Variants in FARSB observed in about 807,000 individuals in gnomAD.
FARSB encodes the protein phenylalanine--tRNA ligase beta subunit.
FARSB carries 40 observed loss-of-function variants against 69.6 expected under a neutral mutation model. The observed-to-expected ratio is 0.57, with a 90% CI of 0.45 to 0.75. The LOEUF (loss-of-function observed/expected upper bound fraction) is 0.75, where lower values mean the gene tolerates loss of function less well. Among genes scored for constraint, FARSB ranks in the 30% least tolerant of loss-of-function variants. The pLI, the probability that FARSB is intolerant of heterozygous loss-of-function variation, is 0.00. For synonymous variants in FARSB, 235 were observed against 247.2 expected (o/e 0.95, Z 0.46); for missense variants, 632 against 722.9 (o/e 0.87, Z 1.44).
At position 222,642,971 on chromosome 2, in the gene FARSB, C is replaced by T; in HGVS notation, c.149G>A (p.Gly50Asp). Residue 50 changes from glycine (G) to aspartate (D), a missense_variant, in exon 3 of 17, where the codon GGT becomes GAT. By Grantham distance (94) the Gly-to-Asp change is moderately conservative. Transcript: ENST00000281828. ...SEKEIISKEQ[G>D]NVKAAGASDV... ...AGAGGCTCCTGCTGCCTTTACATTA[C>T]CTTGTTCTTTACTTATTATTTCCTT... The T allele has an allele frequency of 5.6e-6, 9 of 1,608,508 alleles. No homozygotes were observed. Among genetic ancestry groups the T allele is most frequent in the Non-Finnish European group, 7.7e-6 (9 of 1,176,192 alleles).
At chr2:222,616,439 C>T (rs1690996887) in intron 14 of FARSB, among the ~76,000 whole-genome samples, 2 of 148,532 alleles carry the variant, frequency 1.3e-5, no homozygotes, top group Admixed American at 6.8e-5. Flanking sequence ...CCCAGCTACT[C>T]GGGAGGCTGA....
intron 16 of FARSB, among the ~76,000 whole-genome samples, chr2:222,592,773 G>GTC (rs1452662263): frequency 6.6e-6 from 1 of 151,496 alleles, no homozygotes; most frequent in Non-Finnish European, 1.5e-5. Context: ...AAATACAGTA[G>GTC]TCTCCATTTA....
In FARSB at chr2:222,597,715, G is replaced by A. The variant is rs533405450; in HGVS notation, c.1618+2213C>T. Among the ~76,000 whole-genome samples the A allele has an allele frequency of 4.7e-4, 72 of 152,036 alleles. No individual in the cohort carries two copies. The South Asian group carries it at 0.014, about 29-fold the overall frequency. On this transcript the variant is annotated intron_variant, in intron 16 of 16. Transcript: ENST00000281828. ...GTTTCTTAAATCAGTCCTTTCCTTG[G>A]ATCCTATGAGCACGATCCAGGCCAA... is the stretch of plus-strand genomic sequence containing the variant.
intron 15 of FARSB, among the ~76,000 whole-genome samples, chr2:222,607,272 C>G (rs1236517386): frequency 1.3e-5 from 2 of 152,044 alleles, no homozygotes; most frequent in Non-Finnish European, 2.9e-5. Context: ...GATGTTTACA[C>G]CTATGGAATG....
chr2:222,589,754 C>T (rs868179871), intron 16 of FARSB, among the ~76,000 whole-genome samples: 1 of 152,104 alleles, frequency 6.6e-6, no homozygotes, highest in African/African-American at 2.4e-5. Context: ...CCAACAGACA[C>T]ATGAAAAAAA....
At chr2:222,643,428 A>G (rs1218317761) in intron 2 of FARSB, among the ~76,000 whole-genome samples, 1 of 152,252 alleles carries the variant, frequency 6.6e-6, no homozygotes, top group African/African-American at 2.4e-5. Flanking sequence ...AGAGCCAAAA[A>G]GCCTAAATAT....
rs1366362293 is a variant in FARSB, at chr2:222,570,735, C to T, written c.*1136G>A. ...ATGGCATTTCACCATGTTGGTCAGGCTGATCTCGAACTATTGGCCTCAAGT... is the reference window on the plus strand; with the variant it reads ...ATGGCATTTCACCATGTTGGTCAGGTTGATCTCGAACTATTGGCCTCAAGT... On this transcript the variant is annotated 3_prime_UTR_variant, in exon 17 of 17. Coordinates refer to ENST00000281828, the MANE Select transcript of FARSB (RefSeq NM_005687.5). 6.6e-6 allele frequency: 1 copy of T among 152,098 alleles called. No individual in the cohort carries two copies. Among genetic ancestry groups the T allele is most frequent in the Non-Finnish European group, 1.5e-5 (1 of 68,016 alleles). The allele number at this position is 152,098 out of a possible 1,614,324, so 9.4% of individuals were successfully genotyped here.
intron 13 of FARSB, among the ~76,000 whole-genome samples, chr2:222,623,206 T>A (rs1310540725): frequency 1.3e-5 from 2 of 152,196 alleles, no homozygotes; most frequent in African/African-American, 4.8e-5. Flanking sequence ...TTATGTCAGC[T>A]TTTCAACTCA....
At chr2:222,602,164 G>A (rs1429215162) in intron 15 of FARSB, among the ~76,000 whole-genome samples, 1 of 152,120 alleles carries the variant, frequency 6.6e-6, no homozygotes, top group Non-Finnish European at 1.5e-5. Flanking sequence ...CCATTTATAT[G>A]ACATTCTGGA....
intron 15 of FARSB, among the ~76,000 whole-genome samples, chr2:222,608,816 C>T (rs1690770769): frequency 1.3e-5 from 2 of 152,168 alleles, no homozygotes; most frequent in South Asian, 4.1e-4. Context: ...GAAGGCTTAG[C>T]CTGCTTCATG....
chr2:222,650,959 A>G (rs1692022139), intron 1 of FARSB, among the ~76,000 whole-genome samples: 1 of 152,258 alleles, frequency 6.6e-6, no homozygotes, highest in African/African-American at 2.4e-5. Flanking sequence ...AATTTGTTAC[A>G]TAGCAATAGA....
chr2:222,591,041 T>A (rs1300669494), intron 16 of FARSB, among the ~76,000 whole-genome samples: 1 of 151,866 alleles, frequency 6.6e-6, no homozygotes, highest in Non-Finnish European at 1.5e-5. Flanking sequence ...ACATATCTAC[T>A]TAAAAAATAA....
chr2:222,619,701 C>T lies in FARSB; in HGVS notation c.1288G>A (p.Asp430Asn), dbSNP rs1691093481. Residue 430 changes from aspartate to asparagine, a missense_variant, in exon 14 of 17, where the codon GAT becomes AAT. By Grantham distance (23) the Asp-to-Asn change is conservative. Coordinates refer to ENST00000281828, the MANE Select transcript of FARSB (RefSeq NM_005687.5). Reference protein sequence around the residue: ...QEDIADKLGVDISATKAVHIS... With the variant: ...QEDIADKLGVNISATKAVHIS... The stretch of plus-strand genomic sequence containing the variant: ...TGGACTGCCTTTGTTGCAGAGATAT[C>T]CACACCTAGTTTATCAGCAATATCT... 6.2e-7 allele frequency: 1 copy of T among 1,606,324 alleles called. No individual in the cohort carries two copies. Among genetic ancestry groups the T allele is most frequent in the Non-Finnish European group, 8.5e-7 (1 of 1,173,608 alleles).
At chr2:222,585,560 A>C (rs1690090959) in intron 16 of FARSB, among the ~76,000 whole-genome samples, 1 of 152,252 alleles carries the variant, frequency 6.6e-6, no homozygotes. Flanking sequence ...GAAGATCGGT[A>C]ATAACAAACT....
chr2:222,655,190 C>CA (rs1692139722), intron 1 of FARSB, among the ~76,000 whole-genome samples: 2 of 150,454 alleles, frequency 1.3e-5, no homozygotes, highest in African/African-American at 2.5e-5. Flanking sequence ...GACTCCGTCT[C>CA]AAAAAATAAA....
intron 15 of FARSB, among the ~76,000 whole-genome samples, chr2:222,604,488 T>G (rs1405921592): frequency 2.0e-5 from 3 of 152,146 alleles, no homozygotes; most frequent in Non-Finnish European, 4.4e-5. Context: ...AGGCGCTCTA[T>G]TCTAGATATT....
chr2:222,569,500 T>C lies in FARSB; in HGVS notation c.*2371A>G, dbSNP rs1259413219. 6.6e-6 allele frequency: 1 copy of C among 152,238 alleles called. No individual in the cohort carries two copies. Among genetic ancestry groups the C allele is most frequent in the Non-Finnish European group, 1.5e-5 (1 of 68,048 alleles). 9.4% of individuals were successfully genotyped at this position (152,238 alleles called of 1,614,324 possible). ...GCATTTATCAACTGGTGTTATGTAG[T>C]TAAAATCAGTAAAATACTACATGTT... On this transcript the variant is annotated 3_prime_UTR_variant, in exon 17 of 17. Coordinates refer to ENST00000281828, the MANE Select transcript of FARSB (RefSeq NM_005687.5).
Position 222,613,807 on chromosome 2 carries a change from T to C in FARSB, c.1462+4A>G, listed in dbSNP as rs771115714. 5 of 1,482,382 alleles carry C rather than the reference T, an allele frequency of 3.4e-6. No individual in the cohort carries two copies. The highest frequency in any genetic ancestry group is 1.7e-4 in the Middle Eastern group (1 of 5,816). 91.8% of individuals were successfully genotyped at this position (1,482,382 alleles called of 1,614,324 possible). On this transcript the variant is annotated splice_donor_region_variant and intron_variant, in intron 15 of 16. Coordinates refer to ENST00000281828, the MANE Select transcript of FARSB (RefSeq NM_005687.5). Reference sequence around the variant, plus strand: ...AAATCAAATCAAAGGTGACTTATTCTTACCTGTATTAGAATCTTTTATTAC... The same window carrying C: ...AAATCAAATCAAAGGTGACTTATTCCTACCTGTATTAGAATCTTTTATTAC...
chr2:222,607,892 A>G (rs1384138217), intron 15 of FARSB, among the ~76,000 whole-genome samples: 1 of 152,110 alleles, frequency 6.6e-6, no homozygotes, highest in Non-Finnish European at 1.5e-5. Context: ...CAACGCATGA[A>G]GGAAAAAGTA....
Sources: allele counts gnomAD v4.1 joint callset (sites outside exome capture counted in the v4.1 genomes callset), GRCh38; gene constraint gnomAD v4.1.1; transcripts MANE v1.5; gene names NCBI Gene and HGNC (gene_info 2026-07-23, HGNC 2026-07-21).